The following RD3 variants were observed in gnomAD, a reference collection of about 807,000 sequenced individuals.
The protein encoded by RD3 is protein RD3.
In RD3, 11 loss-of-function variants were observed where a neutral mutation model predicts 16.9. The observed-to-expected ratio is 0.65, with a 90% CI of 0.41 to 1.08. The LOEUF is 1.08. Among genes scored for constraint, RD3 ranks in the 50% least tolerant of loss-of-function variants. RD3 has a pLI of 0.00. For missense variants in RD3, 274 were observed against 267.4 expected (o/e 1.02, Z -0.17); for synonymous variants, 116 against 114.8 (o/e 1.01, Z -0.07).
chr1:211,488,225 A>C (rs1705415311), intron 1 of RD3, among the ~76,000 whole-genome samples: 3 of 152,168 alleles, frequency 2.0e-5, no homozygotes, highest in Admixed American at 2.0e-4. Flanking sequence ...TATGAGACAC[A>C]ATCAGGTGGC....
chr1:211,483,252 A>G lies in RD3; in HGVS notation c.-11-1826T>C, dbSNP rs1326856489. On this transcript the variant is annotated intron_variant, in intron 1 of 2. Transcript: ENST00000680073. The stretch of plus-strand genomic sequence containing the variant: ...CGAGGAGGGCAGCTCACTTGAAGCC[A>G]GGAGTTTGAGACCATCCTGGCCAAC... Among the ~76,000 whole-genome samples, 2 of 151,822 alleles carry G rather than the reference A, an allele frequency of 1.3e-5. 1 individual carries two copies. The highest frequency in any genetic ancestry group is 4.9e-5 in the African/African-American group (2 of 41,118).
At chr1:211,489,044 G>C (rs567130812) in intron 1 of RD3, among the ~76,000 whole-genome samples, 279 of 152,300 alleles carry the variant, frequency 1.8e-3, no homozygotes, top group Middle Eastern at 3.4e-3. Context: ...CGTGTATGCT[G>C]CCTTTGTCCA....
rs35649846 is a variant in RD3, at chr1:211,481,400, A to G, written c.16T>C (p.Trp6Arg). The G allele has an allele frequency of 1.6e-3, 2,529 of 1,612,880 alleles. 42 individuals carry two copies. In the African/African-American group the frequency reaches 0.028, roughly 18 times the overall value. ...GATGGGGCCTCGTTCCACCGAAGCC[A>G]TGAGATGAGAGACATAGCCCCTGGC... MSLIS[W>R]LRWNEAPSRL... is the part of the protein sequence containing the mutation. Residue 6 changes from tryptophan to arginine, a missense_variant, in exon 2 of 3, where the codon TGG becomes CGG. Transcript: ENST00000680073.
At chr1:211,481,473 G>A (rs1705264287) in intron 1 of RD3, 47 bp from the exon 2 acceptor site, 1 of 1,575,116 alleles carries the variant, frequency 6.3e-7, no homozygotes, top group Non-Finnish European at 8.7e-7. Flanking sequence ...CCCTCTGTTA[G>A]TCAGAGTGGG....
At chr1:211,491,126 C>T (rs907596208) in intron 1 of RD3, among the ~76,000 whole-genome samples, 1 of 152,148 alleles carries the variant, frequency 6.6e-6, no homozygotes, top group African/African-American at 2.4e-5. Context: ...GACCCTCATC[C>T]CTTGGTCGCA....
intron 1 of RD3, among the ~76,000 whole-genome samples, chr1:211,490,005 T>C (rs1157643317): frequency 6.6e-6 from 1 of 152,210 alleles, no homozygotes; most frequent in African/African-American, 2.4e-5. Flanking sequence ...CTCAGAGCCT[T>C]CCTTTCAGCC....
At chr1:211,485,706 A>C (rs1389465141) in intron 1 of RD3, among the ~76,000 whole-genome samples, 1 of 152,190 alleles carries the variant, frequency 6.6e-6, no homozygotes, top group Non-Finnish European at 1.5e-5. Flanking sequence ...CCAACTCCTC[A>C]GTGTAAGCCC....
chr1:211,483,537 G>A (rs909053861), intron 1 of RD3, among the ~76,000 whole-genome samples: 1 of 152,054 alleles, frequency 6.6e-6, no homozygotes, highest in Non-Finnish European at 1.5e-5. Flanking sequence ...AGATTACACA[G>A]CTGACCGCTT....
chr1:211,482,776 G>A (rs919515070), intron 1 of RD3, among the ~76,000 whole-genome samples: 6 of 151,892 alleles, frequency 4.0e-5, no homozygotes, highest in South Asian at 2.1e-4. Context: ...TGACATTCCC[G>A]AGCTAAAGCC....
At chr1:211,481,037 T>C in intron 2 of RD3, 83 bp downstream of exon 2, 2 of 1,428,838 alleles carry the variant, frequency 1.4e-6, no homozygotes, top group Non-Finnish European at 1.9e-6. Context: ...CTGACTCTAG[T>C]CCTGGTGGCC....
intron 2 of RD3, 75 bp downstream of exon 2, chr1:211,481,045 G>A: frequency 6.7e-7 from 1 of 1,488,720 alleles, no homozygotes. Context: ...AGTCCTGGTG[G>A]CCTCAGGCCC....
rs1467078188 is a variant in RD3 at position 211,490,683 on chromosome 1, A to G, written c.-12+1085T>C. On this transcript the variant is annotated intron_variant, in intron 1 of 2. Coordinates refer to ENST00000680073, the MANE Select transcript of RD3 (RefSeq NM_001164688.2). Reference sequence around the variant, plus strand: ...TGACCTTATTTCTCTTTGGCATCACAGAAAAACAACCTATAATCCACCAAG... The same window carrying G: ...TGACCTTATTTCTCTTTGGCATCACGGAAAAACAACCTATAATCCACCAAG... Among the ~76,000 whole-genome samples, 3 of 152,228 alleles carry G rather than the reference A, an allele frequency of 2.0e-5. No homozygotes were observed. In the East Asian group the frequency reaches 5.8e-4, roughly 29 times the overall value.
At chr1:211,480,973 G>A in intron 2 of RD3, 147 bp downstream of exon 2, 1 of 859,506 alleles carries the variant, frequency 1.2e-6, no homozygotes. Flanking sequence ...GTCTCTTTCA[G>A]ACTCCTTTTC....
intron 1 of RD3, among the ~76,000 whole-genome samples, chr1:211,490,215 C>G (rs917300409): frequency 9.2e-5 from 14 of 152,202 alleles, no homozygotes; most frequent in Non-Finnish European, 1.3e-4. Flanking sequence ...GACCTTGGAG[C>G]TGGAAGCAGG....
At chr1:211,481,487 C>G in intron 1 of RD3, 61 bp from the exon 2 acceptor site, 1 of 1,525,598 alleles carries the variant, frequency 6.6e-7, no homozygotes, top group Non-Finnish European at 9.0e-7. Context: ...GAGTGGGGAA[C>G]CTGGGAACCC....
intron 2 of RD3, among the ~76,000 whole-genome samples, chr1:211,479,910 G>C (rs1313145301): frequency 6.6e-6 from 1 of 152,174 alleles, no homozygotes; most frequent in Admixed American, 6.5e-5. Flanking sequence ...TTCCCAAGCT[G>C]TTTACTCTGC....
chr1:211,485,222 C>T (rs1705350477), intron 1 of RD3, among the ~76,000 whole-genome samples: 1 of 152,180 alleles, frequency 6.6e-6, no homozygotes, highest in African/African-American at 2.4e-5. Flanking sequence ...GGAGTGATCC[C>T]ACCTGAGTCC....
chr1:211,481,293 C>T lies in RD3; in HGVS notation c.123G>A (p.Glu41=). ...MELTGQMREA[E]RQQRERSNAV... ...CATTGCTGCGCTCCCGCTGCTGCCT[C>T]TCAGCCTCTCGCATCTGCCCCGTCA... Residue 41 remains glutamate, a synonymous_variant, in exon 2 of 3, where the codon GAG becomes GAA. Transcript: ENST00000680073. 6.2e-7 allele frequency: 1 copy of T among 1,614,280 alleles called. No homozygotes were observed. The highest frequency in any genetic ancestry group is 8.5e-7 in the Non-Finnish European group (1 of 1,180,060).
At chr1:211,485,035 AC>A (rs1400595411) in intron 1 of RD3, among the ~76,000 whole-genome samples, 2 of 152,048 alleles carry the variant, frequency 1.3e-5, no homozygotes, top group African/African-American at 4.8e-5. Context: ...TGTCTCCTGG[AC>A]CCCCAGACAC....
Sources: allele counts gnomAD v4.1 joint callset (sites outside exome capture counted in the v4.1 genomes callset), GRCh38; gene constraint gnomAD v4.1.1; transcripts MANE v1.5; gene names NCBI Gene and HGNC (gene_info 2026-07-23, HGNC 2026-07-21).